RBMS3: variants seen among roughly 807,000 people sequenced by gnomAD.
RBMS3 encodes the protein RNA binding motif single stranded interacting protein 3, also known as RNA-binding motif, single-stranded-interacting protein 3.
A neutral mutation model predicts 66.8 loss-of-function variants in RBMS3; 27 were observed. The observed-to-expected ratio is 0.40, with a 90% confidence interval of 0.30 to 0.56. The LOEUF (loss-of-function observed/expected upper bound fraction) is 0.56. Ranked by LOEUF, RBMS3 falls within the 20% of genes least tolerant of loss-of-function variation. RBMS3 has a pLI of 0.40. For missense variants in RBMS3, 513 were observed against 549.5 expected, an observed-to-expected ratio of 0.93 and a Z score of 0.66; for synonymous variants, 188 against 183.0, an observed-to-expected ratio of 1.03 and a Z score of -0.22.
intron 3 of RBMS3, among the ~76,000 whole-genome samples, chr3:29,505,005 C>T (rs1336093073): frequency 6.6e-6 from 1 of 152,074 alleles, no homozygotes; most frequent in Non-Finnish European, 1.5e-5. Flanking sequence ...CCGTATCAGA[C>T]ATATGTTATG....
intron 1 of RBMS3, among the ~76,000 whole-genome samples, chr3:29,400,292 C>T (rs1251318416): frequency 2.6e-5 from 4 of 151,982 alleles, no homozygotes; most frequent in South Asian, 2.1e-4. Context: ...ACCTTGAGGA[C>T]GTTATGCTAA....
intron 2 of RBMS3, among the ~76,000 whole-genome samples, chr3:29,486,800 A>G (rs979846420): frequency 2.6e-5 from 4 of 152,184 alleles, no homozygotes; most frequent in African/African-American, 7.2e-5. Context: ...GACAGAGCTA[A>G]ATTTCAGTTT....
intron 1 of RBMS3, among the ~76,000 whole-genome samples, chr3:29,369,144 G>A (rs2038057775): frequency 6.6e-6 from 1 of 151,916 alleles, no homozygotes; most frequent in Non-Finnish European, 1.5e-5. Flanking sequence ...GGGAACAGCC[G>A]GCACCGGGGC....
intron 4 of RBMS3, among the ~76,000 whole-genome samples, chr3:29,670,181 C>A (rs917823860): frequency 6.6e-6 from 1 of 152,206 alleles, no homozygotes; most frequent in Non-Finnish European, 1.5e-5. Flanking sequence ...GGTTAAATGG[C>A]GTTCTCCCAA....
At chr3:29,562,665 T>C (rs1317649113) in intron 3 of RBMS3, among the ~76,000 whole-genome samples, 1 of 152,182 alleles carries the variant, frequency 6.6e-6, no homozygotes, top group Non-Finnish European at 1.5e-5. Flanking sequence ...CTTTTGAGGA[T>C]CTATCTTGAG....
intron 8 of RBMS3, among the ~76,000 whole-genome samples, chr3:29,890,076 TAGG>T (rs1445314979): frequency 2.0e-5 from 3 of 151,626 alleles, no homozygotes; most frequent in South Asian, 4.1e-4. Flanking sequence ...ATTAAAGAAA[TAGG>T]AGGATTATAG....
chr3:29,633,305 T>A (rs900871019), intron 4 of RBMS3, among the ~76,000 whole-genome samples: 1 of 151,940 alleles, frequency 6.6e-6, no homozygotes, highest in African/African-American at 2.4e-5. Flanking sequence ...AATTTGGTTT[T>A]GTTTTATGAT....
intron 3 of RBMS3, among the ~76,000 whole-genome samples, chr3:29,541,520 C>G (rs896728421): frequency 1.4e-5 from 2 of 146,974 alleles, no homozygotes; most frequent in Admixed American, 6.7e-5. Flanking sequence ...TGAATCTCAC[C>G]TCATTTCAGC....
chr3:29,822,283 T>A (rs1396420812), intron 6 of RBMS3, among the ~76,000 whole-genome samples: 1 of 152,202 alleles, frequency 6.6e-6, no homozygotes, highest in Admixed American at 6.6e-5. Flanking sequence ...TGCCTAATTT[T>A]AAACAGACTA....
At chr3:29,538,566 C>G (rs1456966380) in intron 3 of RBMS3, among the ~76,000 whole-genome samples, 1 of 152,170 alleles carries the variant, frequency 6.6e-6, no homozygotes, top group African/African-American at 2.4e-5. Context: ...GCAAGAGTTG[C>G]TTAGAAGCAA....
At chr3:29,740,303 A>AAGAGAAAATAAAAGAAAGGAAACATTT (rs2054580537) in intron 5 of RBMS3, among the ~76,000 whole-genome samples, 3 of 152,158 alleles carry the variant, frequency 2.0e-5, no homozygotes, top group African/African-American at 7.2e-5. Flanking sequence ...TTTCTCAGTA[A>AAGAGAAAATAAAAGAAAGGAAACATTT]AGAGAAAATA....
rs529244072 is a variant in RBMS3, at chr3:29,541,815, A to G, written c.308-45299A>G. 5.3e-5 allele frequency among the ~76,000 whole-genome samples: 8 copies of G among 150,024 alleles called. No individual in the cohort carries two copies. The South Asian group carries it at 1.7e-3, about 32-fold the overall frequency. On this transcript the variant is annotated intron_variant, in intron 3 of 14. Transcript: ENST00000383767. ...GACCTCATCACTTTGCCCCCACCTC[A>G]CCTGCTCTATTCACTGCCGCAGCCC...
At chr3:29,634,765 CG>C (rs1559525707) in intron 4 of RBMS3, among the ~76,000 whole-genome samples, 1 of 151,800 alleles carries the variant, frequency 6.6e-6, no homozygotes, top group African/African-American at 2.4e-5. Context: ...AGGACAATAA[CG>C]TTTTCTAATA....
At chr3:29,612,013 G>A (rs1163440438) in intron 4 of RBMS3, among the ~76,000 whole-genome samples, 1 of 152,078 alleles carries the variant, frequency 6.6e-6, no homozygotes, top group Non-Finnish European at 1.5e-5. Context: ...GTGATCTTAA[G>A]TATGTTACTG....
intron 14 of RBMS3, among the ~76,000 whole-genome samples, chr3:30,001,487 T>C (rs1699607696): frequency 6.6e-6 from 1 of 151,976 alleles, no homozygotes; most frequent in Non-Finnish European, 1.5e-5. Context: ...CTCTACCATA[T>C]TTACTCTGAC....
chr3:29,818,265 G>T (rs762448575), intron 6 of RBMS3, among the ~76,000 whole-genome samples: 2 of 151,666 alleles, frequency 1.3e-5, no homozygotes, highest in Non-Finnish European at 2.9e-5. Context: ...ACAGTATACC[G>T]CATTGTTTTT....
intron 1 of RBMS3, among the ~76,000 whole-genome samples, chr3:29,329,953 A>T (rs1170801818): frequency 6.7e-6 from 1 of 149,662 alleles, no homozygotes; most frequent in Admixed American, 6.7e-5. Flanking sequence ...CTTTTGTTAT[A>T]TTCACAAGAT....
At chr3:30,001,110 C>G (rs557676524) in intron 14 of RBMS3, among the ~76,000 whole-genome samples, 1 of 152,048 alleles carries the variant, frequency 6.6e-6, no homozygotes, top group South Asian at 2.1e-4. Context: ...AATTTAGATA[C>G]CTATGTAATT....
intron 3 of RBMS3, among the ~76,000 whole-genome samples, chr3:29,567,740 CCTCT>C (rs990364752): frequency 6.6e-6 from 1 of 152,118 alleles, no homozygotes; most frequent in Admixed American, 6.6e-5. Context: ...TTCCTCATAG[CCTCT>C]CTCTGTGCAA....
Sources: allele counts gnomAD v4.1 joint callset (sites outside exome capture counted in the v4.1 genomes callset), GRCh38; gene constraint gnomAD v4.1.1; transcripts MANE v1.5; gene names NCBI Gene and HGNC (gene_info 2026-07-23, HGNC 2026-07-21).